Variants in RGS22 observed in about 807,000 individuals in gnomAD.
RGS22 encodes regulator of G-protein signaling 22.
A neutral mutation model predicts 172.9 loss-of-function variants in RGS22; 148 were observed. The observed-to-expected ratio is 0.86, with a 90% CI of 0.75 to 0.98. The LOEUF (loss-of-function observed/expected upper bound fraction) is 0.98, where lower values mean the gene tolerates loss of function less well. RGS22 is among the 50% of genes least tolerant of loss of function. The pLI, the probability that RGS22 is intolerant of heterozygous loss-of-function variation, is 0.00. For synonymous variants in RGS22, 458 were observed against 480.2 expected, an observed-to-expected ratio of 0.95 and a Z score of 0.60; for missense variants, 1,347 against 1,440.8, an observed-to-expected ratio of 0.93 and a Z score of 1.05.
chr8:100,036,129 A>G (rs1032775140), intron 14 of RGS22, among the ~76,000 whole-genome samples: 1 of 151,046 alleles, frequency 6.6e-6, no homozygotes, highest in Admixed American at 6.6e-5. Context: ...AAAGAAAAAA[A>G]ATTGAAATAA....
At position 99,964,632 on chromosome 8, in the gene RGS22, T is replaced by C. The variant is rs187725160; in HGVS notation, c.3615+703A>G. Among the ~76,000 whole-genome samples, 20 of 152,322 alleles carry C rather than the reference T, an allele frequency of 1.3e-4. No individual in the cohort carries two copies. In the East Asian group the frequency reaches 3.7e-3, roughly 28 times the overall value. Reference sequence around the variant, plus strand: ...ATTATTTGCTAGGTATCATATGCTTTTAGATATCTCTTTCAGTATACAGTT... The same window carrying C: ...ATTATTTGCTAGGTATCATATGCTTCTAGATATCTCTTTCAGTATACAGTT... On this transcript the variant is annotated intron_variant, in intron 24 of 27. Transcript: ENST00000360863.
At chr8:100,049,370 G>A (rs1045754131) in intron 10 of RGS22, among the ~76,000 whole-genome samples, 4 of 152,108 alleles carry the variant, frequency 2.6e-5, no homozygotes, top group African/African-American at 9.7e-5. Flanking sequence ...TTCTGCCAAG[G>A]AGACAGAGAG....
In RGS22 at chr8:100,063,519, T is replaced by C. The variant is rs769429803; in HGVS notation, c.1249A>G (p.Arg417Gly). 7 of 1,613,892 alleles carry C rather than the reference T, an allele frequency of 4.3e-6. No individual in the cohort carries two copies. The Admixed American group carries it at 1.0e-4, about 23-fold the overall frequency. Residue 417 changes from arginine to glycine, a missense_variant, in exon 8 of 28, where the codon AGA becomes GGA. Physicochemically the swap from Arg to Gly is moderately radical, Grantham distance 125 (BLOSUM62 -2). Coordinates refer to ENST00000360863, the MANE Select transcript of RGS22 (RefSeq NM_015668.5). Reference protein sequence around the residue: ...YDIGNRKEFERFKKFIKGTLG... With the variant: ...YDIGNRKEFEGFKKFIKGTLG... ...GTACCTTTTATAAATTTCTTAAATC[T>C]TTCAAACTCCTTTCTATTGCCAATG...
chr8:99,972,735 G>A (rs866773667), intron 23 of RGS22, among the ~76,000 whole-genome samples: 3 of 151,956 alleles, frequency 2.0e-5, no homozygotes, highest in Admixed American at 2.0e-4. Context: ...TGGTGATCAT[G>A]AAAAAGTCAG....
chr8:100,023,428 T>C (rs892432625), intron 14 of RGS22, among the ~76,000 whole-genome samples: 2 of 152,148 alleles, frequency 1.3e-5, no homozygotes, highest in African/African-American at 4.8e-5. Flanking sequence ...TCTTTCTTTT[T>C]CTGTTTTTCT....
chr8:100,015,802 C>T (rs1588979377), intron 14 of RGS22, among the ~76,000 whole-genome samples: 1 of 152,244 alleles, frequency 6.6e-6, no homozygotes, highest in East Asian at 1.9e-4. Flanking sequence ...CCAAGCAAGG[C>T]CAGACCTTTC....
intron 11 of RGS22, among the ~76,000 whole-genome samples, chr8:100,046,958 G>A (rs980972933): frequency 6.6e-6 from 1 of 151,952 alleles, no homozygotes; most frequent in Non-Finnish European, 1.5e-5. Flanking sequence ...GATACTACAG[G>A]CACGTGCCAC....
At chr8:100,066,054 G>T in intron 7 of RGS22, 113 bp downstream of exon 7, 1 of 892,442 alleles carries the variant, frequency 1.1e-6, no homozygotes, top group East Asian at 2.7e-5. Flanking sequence ...GAGGCAAAGC[G>T]TATGTGGATA....
In RGS22 at chr8:99,999,329, C is replaced by T. The variant is rs770254497; in HGVS notation, c.2882G>A (p.Arg961Lys). 2 of 1,613,850 alleles carry T rather than the reference C, an allele frequency of 1.2e-6. No homozygotes were observed. The highest frequency in any genetic ancestry group is 2.7e-5 in the African/African-American group (2 of 74,906). Residue 961 changes from arginine (R) to lysine (K), a missense_variant, in exon 19 of 28, where the codon AGG becomes AAG. By Grantham distance (26) the Arg-to-Lys change is conservative (BLOSUM62 2). Transcript: ENST00000360863. ...CAATGGCAGCCATACATTTTCTAGC[C>T]TATTTTGCACATGCTTCTGGATTTC... Reference protein sequence around the residue: ...LVEIQKHVQNRLENVWLPLFL... With the variant: ...LVEIQKHVQNKLENVWLPLFL...
intron 2 of RGS22, among the ~76,000 whole-genome samples, chr8:100,095,532 T>C (rs1176579792): frequency 6.6e-6 from 1 of 152,176 alleles, no homozygotes; most frequent in African/African-American, 2.4e-5. Context: ...CAGATAACTT[T>C]GAAAGAATAA....
chr8:100,032,084 C>G (rs1034527496), intron 14 of RGS22, among the ~76,000 whole-genome samples: 8 of 152,114 alleles, frequency 5.3e-5, no homozygotes, highest in Non-Finnish European at 1.0e-4. Flanking sequence ...CAAAGACCAT[C>G]GATGCTAGGA....
intron 23 of RGS22, among the ~76,000 whole-genome samples, chr8:99,971,605 A>G (rs781200524): frequency 2.0e-5 from 3 of 152,222 alleles, no homozygotes; most frequent in Non-Finnish European, 2.9e-5. Flanking sequence ...GAGCCAAATC[A>G]TGAGTGAACT....
At chr8:100,015,494 T>A (rs977143987) in intron 14 of RGS22, among the ~76,000 whole-genome samples, 1 of 152,172 alleles carries the variant, frequency 6.6e-6, no homozygotes, top group African/African-American at 2.4e-5. Flanking sequence ...GGTTTCACCA[T>A]GTCAGCCAGG....
At chr8:99,971,905 G>A (rs1031041846) in intron 23 of RGS22, among the ~76,000 whole-genome samples, 2 of 151,902 alleles carry the variant, frequency 1.3e-5, no homozygotes, top group Admixed American at 6.6e-5. Context: ...ACTACTTTAA[G>A]GTTCCTATGG....
At chr8:100,093,760 G>A (rs901132158) in intron 2 of RGS22, among the ~76,000 whole-genome samples, 6 of 152,086 alleles carry the variant, frequency 3.9e-5, no homozygotes, top group African/African-American at 1.4e-4. Flanking sequence ...ACTATACTTA[G>A]TTGGAAAACA....
intron 21 of RGS22, among the ~76,000 whole-genome samples, chr8:99,986,979 A>T (rs1813165521): frequency 6.6e-6 from 1 of 152,160 alleles, no homozygotes; most frequent in Admixed American, 6.5e-5. Context: ...ATGTATGTTA[A>T]TACCTGAAAA....
intron 1 of RGS22, 128 bp downstream of exon 1, chr8:100,105,769 G>C: frequency 1.3e-6 from 1 of 783,292 alleles, no homozygotes; most frequent in Non-Finnish European, 2.0e-6. Context: ...GGGCAGTGAA[G>C]CCCTTTTTTC....
chr8:100,098,076 T>A (rs564549089), intron 2 of RGS22, among the ~76,000 whole-genome samples: 142 of 152,340 alleles, frequency 9.3e-4, no homozygotes, highest in African/African-American at 3.2e-3. Flanking sequence ...CACGTACCTA[T>A]CTTTTTTCTT....
In RGS22 at chr8:100,066,170, A is replaced by G. The variant is rs1437274717; in HGVS notation, c.721T>C (p.Ser241Pro). 2 of 1,612,122 alleles carry G rather than the reference A, an allele frequency of 1.2e-6. No homozygotes were observed. Among genetic ancestry groups the G allele is most frequent in the Non-Finnish European group, 1.7e-6 (2 of 1,179,116 alleles). ...ATTCTTGTCCTTTTCTGCTTACCAG[A>G]AACAGATGAAATAGCTGGTGATTTA... ...KLKSPAISSV[S>P]ENFIFDDGVH... The change falls in exon 7 of 28, where the codon TCT becomes CCT. Residue 241 changes from serine to proline, a missense_variant. Ser to Pro is a moderately conservative substitution (Grantham distance 74). Transcript: ENST00000360863.
Sources: gnomAD v4.1 joint callset for allele counts (sites outside exome capture counted in the v4.1 genomes callset) on GRCh38, gnomAD v4.1.1 for gene constraint, MANE v1.5 for transcripts, NCBI Gene and HGNC (gene_info 2026-07-23, HGNC 2026-07-21) for gene names.